COX14: variants seen among roughly 807,000 people sequenced by gnomAD.
COX14 encodes cytochrome c oxidase assembly protein COX14.
A neutral mutation model predicts 5.8 loss-of-function variants in COX14; 3 were observed. The ratio of observed to expected loss-of-function variants is 0.51; its 90% confidence interval spans 0.23 to 1.33. The LOEUF (loss-of-function observed/expected upper bound fraction) is 1.33. COX14 is among the 40% of genes most tolerant of loss of function. COX14 has a pLI of 0.18. For synonymous variants in COX14, 25 were observed against 26.1 expected (o/e 0.96, Z 0.13); for missense variants, 72 against 72.1 (o/e 1.00, Z 0.01).
chr12:50,113,773 C>T (rs1951052934), intron 1 of COX14, among the ~76,000 whole-genome samples: 1 of 152,004 alleles, frequency 6.6e-6, no homozygotes, highest in Admixed American at 6.5e-5. Flanking sequence ...GCTGGGATTA[C>T]AGGCATGTGC....
intron 1 of COX14, among the ~76,000 whole-genome samples, chr12:50,114,977 A>G (rs1414349094): frequency 1.3e-5 from 2 of 150,918 alleles, no homozygotes; most frequent in Non-Finnish European, 2.9e-5. Context: ...CATGTTGGCC[A>G]GGATGGTCTC....
intron 1 of COX14, among the ~76,000 whole-genome samples, chr12:50,119,402 G>T (rs891167501): frequency 6.6e-6 from 1 of 152,224 alleles, no homozygotes; most frequent in African/African-American, 2.4e-5. Context: ...AGTTAGAGCA[G>T]CCCTGGCTGG....
At chr12:50,115,295 A>C (rs1407669180) in intron 1 of COX14, among the ~76,000 whole-genome samples, 3 of 143,862 alleles carry the variant, frequency 2.1e-5, no homozygotes, top group Non-Finnish European at 4.5e-5. Context: ...GCTCACTGCG[A>C]GCTCCGCCTC....
At position 50,115,462 on chromosome 12, in the gene COX14, G is replaced by A. The variant is rs375311452; in HGVS notation, c.-9+3161G>A. ...GATCTCCTGACCTCGTGATCCACCC[G>A]CCTTGGCCTCCCAAAGTGCTGGGAT... On this transcript the variant is annotated intron_variant, in intron 1 of 1. Coordinates refer to ENST00000550487, the MANE Select transcript of COX14 (RefSeq NM_032901.4). 2.0e-3 allele frequency among the ~76,000 whole-genome samples: 296 copies of A among 149,770 alleles called. 12 individuals are homozygous for A. In the South Asian group the frequency reaches 0.06, roughly 30 times the overall value.
At position 50,120,282 on chromosome 12, in the gene COX14, C is replaced by A; in HGVS notation, c.*65C>A. ...CATGCTGTGGAGAGACTTCACCTGC[C>A]ACCATTTCCAGGTCAACAGGACTAG... On this transcript the variant is annotated 3_prime_UTR_variant, in exon 2 of 2. Coordinates refer to ENST00000550487, the MANE Select transcript of COX14 (RefSeq NM_032901.4). The A allele has an allele frequency of 7.3e-7, 1 of 1,372,632 alleles. No homozygotes were observed. The highest frequency in any genetic ancestry group is 1.0e-6 in the Non-Finnish European group (1 of 990,598). The allele number at this position is 1,372,632 out of a possible 1,614,324, so 85.0% of individuals were successfully genotyped here.
At chr12:50,113,927 C>CT (rs368320685) in intron 1 of COX14, among the ~76,000 whole-genome samples, 55 of 149,504 alleles carry the variant, frequency 3.7e-4, no homozygotes, top group African/African-American at 1.1e-3. Flanking sequence ...CACGCCCAGC[C>CT]TTTTTTTTTT....
chr12:50,117,747 T>A (rs1418340746), intron 1 of COX14, among the ~76,000 whole-genome samples: 1 of 146,248 alleles, frequency 6.8e-6, no homozygotes, highest in East Asian at 2.0e-4. Context: ...TGGGCTAATT[T>A]TTTTTTTTTT....
rs35207153 is a variant in COX14 at position 50,117,744 on chromosome 12, A to AT, written c.-8-2273dup. Among the ~76,000 whole-genome samples, 170 of 113,390 alleles carry AT rather than the reference A, an allele frequency of 1.5e-3. 1 individual carries two copies. Among genetic ancestry groups the AT allele is most frequent in the African/African-American group, 4.5e-3 (121 of 26,916 alleles). 74.4% of individuals were successfully genotyped at this position (113,390 alleles called of 152,430 possible). A position where few individuals can be genotyped will look rare whatever the true frequency, so the allele number is the denominator to read the frequency against. Reference sequence around the variant, plus strand: ...AGGCATGCACCACCACGCTGGGCTAATTTTTTTTTTTTTTTTTTTGAGATG... The same window carrying AT: ...AGGCATGCACCACCACGCTGGGCTAATTTTTTTTTTTTTTTTTTTTGAGATG... On this transcript the variant is annotated intron_variant, in intron 1 of 1. Coordinates refer to ENST00000550487, the MANE Select transcript of COX14 (RefSeq NM_032901.4).
intron 1 of COX14, among the ~76,000 whole-genome samples, chr12:50,116,380 A>G (rs1363507685): frequency 6.6e-6 from 1 of 152,258 alleles, no homozygotes; most frequent in Non-Finnish European, 1.5e-5. Flanking sequence ...GGCGTGAGCC[A>G]CTGCGCCCGG....
At chr12:50,112,591 C>A in intron 1 of COX14, 1 of 480,828 alleles carries the variant, frequency 2.1e-6, no homozygotes, top group Non-Finnish European at 2.7e-6. Context: ...CTCTTCCTTG[C>A]TCTATAGACC....
intron 1 of COX14, among the ~76,000 whole-genome samples, chr12:50,118,083 G>T (rs1413216352): frequency 1.4e-5 from 2 of 142,154 alleles, no homozygotes; most frequent in East Asian, 4.2e-4. Context: ...CTCACTCCCC[G>T]TCATCCAGGC....
intron 1 of COX14, 116 bp from the exon 2 acceptor site, chr12:50,119,920 T>A: frequency 3.8e-6 from 3 of 783,176 alleles, no homozygotes; most frequent in Non-Finnish European, 6.7e-6. Context: ...GGCCATTCAG[T>A]ATAGAGTGCA....
intron 1 of COX14, among the ~76,000 whole-genome samples, 163 bp from the exon 2 acceptor site, chr12:50,119,873 C>T (rs1173352672): frequency 6.6e-6 from 1 of 152,180 alleles, no homozygotes; most frequent in South Asian, 2.1e-4. Context: ...TAAATGATAT[C>T]TTCCAGTATC....
chr12:50,113,702 G>T (rs1019325891), intron 1 of COX14, among the ~76,000 whole-genome samples: 1 of 151,476 alleles, frequency 6.6e-6, no homozygotes, highest in African/African-American at 2.4e-5. Flanking sequence ...GCGCGATCTC[G>T]GCTCACTGCA....
At chr12:50,116,145 T>G (rs1051161437) in intron 1 of COX14, among the ~76,000 whole-genome samples, 1 of 150,044 alleles carries the variant, frequency 6.7e-6, no homozygotes, top group Non-Finnish European at 1.5e-5. Flanking sequence ...CATGCTGGAG[T>G]GCCGTGGCAC....
intron 1 of COX14, chr12:50,118,497 G>GC: frequency 2.2e-6 from 2 of 904,704 alleles, no homozygotes; most frequent in Non-Finnish European, 2.6e-6. Context: ...GGCCAGGCGC[G>GC]GTGGCTCACG....
intron 1 of COX14, among the ~76,000 whole-genome samples, chr12:50,113,377 C>G (rs374936553): frequency 8.5e-4 from 128 of 150,278 alleles, no homozygotes; most frequent in African/African-American, 2.9e-3. Flanking sequence ...GATCTCGGCT[C>G]ACTACAAGCT....
At chr12:50,114,111 C>T (rs1447245148) in intron 1 of COX14, among the ~76,000 whole-genome samples, 1 of 149,236 alleles carries the variant, frequency 6.7e-6, no homozygotes, top group Non-Finnish European at 1.5e-5. Flanking sequence ...CTATGGTTCT[C>T]AATTTTTATT....
chr12:50,119,286 C>A (rs1951109170), intron 1 of COX14, among the ~76,000 whole-genome samples: 1 of 152,208 alleles, frequency 6.6e-6, no homozygotes, highest in South Asian at 2.1e-4. Context: ...CTGAAAGGTT[C>A]CCATTTGATC....
Sources: gnomAD v4.1 joint callset for allele counts (sites outside exome capture counted in the v4.1 genomes callset) on GRCh38, gnomAD v4.1.1 for gene constraint, MANE v1.5 for transcripts, NCBI Gene and HGNC (gene_info 2026-07-23, HGNC 2026-07-21) for gene names.